The following MBLAC1 variants were observed in gnomAD, a reference collection of about 807,000 sequenced individuals.
The protein encoded by MBLAC1 is metallo-beta-lactamase domain containing 1.
MBLAC1 carries 1 observed loss-of-function variant against 1.5 expected under a neutral mutation model. The ratio of observed to expected loss-of-function variants is 0.68; its 90% CI spans 0.24 to 3.21. The LOEUF is 3.21. Among genes scored for constraint, MBLAC1 ranks in the 30% most tolerant of loss-of-function variants. The pLI, the probability that MBLAC1 is intolerant of heterozygous loss-of-function variation, is 0.20. For synonymous variants in MBLAC1, 197 were observed against 191.3 expected, an observed-to-expected ratio of 1.03 and a Z score of -0.25; for missense variants, 371 against 384.7, an observed-to-expected ratio of 0.96 and a Z score of 0.30.
Position 100,128,029 on chromosome 7 carries a change from G to A in MBLAC1, c.634G>A (p.Ala212Thr). ...GCAGGCACTGAGTGAAGACCCCGCA[G>A]CCCAGGAGCGGAGCCGGAAGAGGGT... is the stretch of plus-strand genomic sequence containing the variant. Reference protein sequence around the residue: ...SWQALSEDPAAQERSRKRVLV... With the variant: ...SWQALSEDPATQERSRKRVLV... Residue 212 changes from alanine (A) to threonine (T), a missense_variant, in exon 2 of 2, where the codon GCC (alanine) becomes ACC (threonine). Transcript: ENST00000398075. 6.2e-7 allele frequency: 1 copy of A among 1,613,660 alleles called. No individual in the cohort carries two copies. Among genetic ancestry groups the A allele is most frequent in the African/African-American group, 1.3e-5 (1 of 75,062 alleles).
In MBLAC1 at chr7:100,127,708, G is replaced by A; in HGVS notation, c.313G>A (p.Gly105Arg). 1 of 1,450,148 alleles carries A rather than the reference G, an allele frequency of 6.9e-7. No individual in the cohort carries two copies. Among genetic ancestry groups the A allele is most frequent in the East Asian group, 2.7e-5 (1 of 37,660 alleles). 89.8% of individuals were successfully genotyped at this position (1,450,148 alleles called of 1,614,324 possible). A position where few individuals can be genotyped will look rare whatever the true frequency, so the allele number is the denominator to read the frequency against. The change falls in exon 2 of 2, where the codon GGA (glycine) becomes AGA (arginine). Residue 105 changes from glycine (G) to arginine (R), a missense_variant. By Grantham distance (125) the Gly-to-Arg change is moderately radical. Coordinates refer to ENST00000398075, the MANE Select transcript of MBLAC1 (RefSeq NM_203397.3). The surrounding 1 kb of genome is among the most constrained non-coding windows in gnomAD (Gnocchi z 4.6). Reference protein sequence around the residue: ...GALAGQGVAPGDVTLVVGTHG... With the variant: ...GALAGQGVAPRDVTLVVGTHG... ...GCTGGCGGGGCAGGGCGTGGCCCCG[G>A]GAGACGTGACGCTAGTGGTGGGGAC...
rs1301366961 is a variant in MBLAC1, at chr7:100,128,333, C to T, written c.*137C>T. On this transcript the variant is annotated 3_prime_UTR_variant, in exon 2 of 2. Transcript: ENST00000398075. ...AGTTTTCTAGTGAAGACAGAGTGCA[C>T]CTGACACTGCCATCACATCGTCAGT... 2.8e-5 allele frequency: 20 copies of T among 705,954 alleles called. No homozygotes were observed. Among genetic ancestry groups the T allele is most frequent in the South Asian group, 7.8e-5 (4 of 51,304 alleles). 43.7% of individuals were successfully genotyped at this position (705,954 alleles called of 1,614,324 possible).
rs1798248699 is a variant in MBLAC1, at chr7:100,127,275, C to T, written c.-28-93C>T. On this transcript the variant is annotated intron_variant, in intron 1 of 1. Transcript: ENST00000398075. The surrounding 1 kb of genome is among the most constrained non-coding windows in gnomAD (Gnocchi z 4.6). ...TTAATGGGAGGCGGGTGGCAGAGAA[C>T]CGAGGCTTAGGGGCAGTGGCGGGGC... is the stretch of plus-strand genomic sequence containing the variant. 1 of 963,534 alleles carries T rather than the reference C, an allele frequency of 1.0e-6. No homozygotes were observed. Among genetic ancestry groups the T allele is most frequent in the Non-Finnish European group, 1.5e-6 (1 of 672,422 alleles). 59.7% of individuals were successfully genotyped at this position (963,534 alleles called of 1,614,324 possible). A position where few individuals can be genotyped will look rare whatever the true frequency, so the allele number is the denominator to read the frequency against.
chr7:100,127,664 G>A lies in MBLAC1; in HGVS notation c.269G>A (p.Arg90Gln). The change falls in exon 2 of 2, where the codon CGG becomes CAG. Residue 90 changes from arginine (R) to glutamine (Q), a missense_variant. Arg to Gln is a conservative substitution (Grantham distance 43). Transcript: ENST00000398075. This position sits in a 1 kb window ranked among gnomAD's most constrained non-coding sequence, Gnocchi z 4.6. ...ILVDTGGPWA[R>Q]EALLGALAGQ... ...GTGGACACCGGGGGCCCCTGGGCTCGGGAGGCGCTGCTGGGGGCGCTGGCG... is the reference window on the plus strand; with the variant it reads ...GTGGACACCGGGGGCCCCTGGGCTCAGGAGGCGCTGCTGGGGGCGCTGGCG... The A allele has an allele frequency of 7.1e-7, 1 of 1,413,340 alleles. No homozygotes were observed. The highest frequency in any genetic ancestry group is 9.2e-7 in the Non-Finnish European group (1 of 1,086,562). The allele number at this position is 1,413,340 out of a possible 1,614,324, so 87.5% of individuals were successfully genotyped here.
rs1798250873 is a variant in MBLAC1, at chr7:100,127,344, C to T, written c.-28-24C>T. 1.2e-5 allele frequency: 18 copies of T among 1,493,582 alleles called. No individual in the cohort carries two copies. Among genetic ancestry groups the T allele is most frequent in the Non-Finnish European group, 1.5e-5 (17 of 1,120,330 alleles). The allele number at this position is 1,493,582 out of a possible 1,614,324, so 92.5% of individuals were successfully genotyped here. A position where few individuals can be genotyped will look rare whatever the true frequency, so the allele number is the denominator to read the frequency against. ...CGCGGAGGGACAGGACGGTCGCCCA[C>T]TGCTCCATTTCCTTTCTCCCCAGCC... On this transcript the variant is annotated intron_variant, in intron 1 of 1. Transcript: ENST00000398075. This position sits in a 1 kb window ranked among gnomAD's most constrained non-coding sequence, Gnocchi z 4.6.
At position 100,127,918 on chromosome 7, in the gene MBLAC1, G is replaced by C. The variant is rs1798271046; in HGVS notation, c.523G>C (p.Val175Leu). 3 of 1,583,658 alleles carry C rather than the reference G, an allele frequency of 1.9e-6. No homozygotes were observed. Among genetic ancestry groups the C allele is most frequent in the African/African-American group, 1.3e-5 (1 of 74,252 alleles). ...ATPGHGGQRDVSVVVAGTALG... is the reference protein window; with the variant it reads ...ATPGHGGQRDLSVVVAGTALG... Reference sequence around the variant, plus strand: ...GCCGGGCCACGGGGGCCAGCGCGACGTGAGCGTGGTGGTGGCCGGCACGGC... The same window carrying C: ...GCCGGGCCACGGGGGCCAGCGCGACCTGAGCGTGGTGGTGGCCGGCACGGC... Residue 175 changes from valine (V) to leucine (L), a missense_variant, in exon 2 of 2, where the codon GTG (valine) becomes CTG (leucine). Transcript: ENST00000398075. This position sits in a 1 kb window ranked among gnomAD's most constrained non-coding sequence, Gnocchi z 4.6.
At position 100,127,369 on chromosome 7, in the gene MBLAC1, C is replaced by T. The variant is rs753783973; in HGVS notation, c.-27C>T. The T allele has an allele frequency of 2.5e-5, 39 of 1,560,484 alleles. No individual in the cohort carries two copies. Among genetic ancestry groups the T allele is most frequent in the Non-Finnish European group, 3.2e-5 (37 of 1,162,180 alleles). On this transcript the variant is annotated splice_region_variant and 5_prime_UTR_variant, in exon 2 of 2. Transcript: ENST00000398075. This position sits in a 1 kb window ranked among gnomAD's most constrained non-coding sequence, Gnocchi z 4.6. ...CTGCTCCATTTCCTTTCTCCCCAGC[C>T]CGTCCCTCCCTGCCAGGAGCAGCCT...
At position 100,127,992 on chromosome 7, in the gene MBLAC1, CGAG is replaced by C; in HGVS notation, c.600_602del (p.Glu200del). 1 of 1,613,142 alleles carries C rather than the reference CGAG, an allele frequency of 6.2e-7. No homozygotes were observed. The highest frequency in any genetic ancestry group is 8.5e-7 in the Non-Finnish European group (1 of 1,179,660). ...GAGATGTGTTTGAGCGAGATGGGGA[CGAG>C]GATTCGTGGCAGGCACTGAGTGAAG... On this transcript the variant is annotated inframe_deletion, in exon 2 of 2. Transcript: ENST00000398075. The surrounding 1 kb of genome is among the most constrained non-coding windows in gnomAD (Gnocchi z 4.6).
Position 100,127,940 on chromosome 7 carries a change from C to CCT in MBLAC1, c.545_546insCT (p.Ala183TrpfsTer25). 6.3e-7 allele frequency: 1 copy of CCT among 1,597,070 alleles called. No homozygotes were observed. The highest frequency in any genetic ancestry group is 8.5e-7 in the Non-Finnish European group (1 of 1,172,042). On this transcript the variant is annotated frameshift_variant, in exon 2 of 2. Coordinates refer to ENST00000398075, the MANE Select transcript of MBLAC1 (RefSeq NM_203397.3). LOFTEE classifies it low-confidence loss of function (END_TRUNC). This position sits in a 1 kb window ranked among gnomAD's most constrained non-coding sequence, Gnocchi z 4.6. ...GACGTGAGCGTGGTGGTGGCCGGCA[C>CCT]GGCTCTGGGCACCGTGGTGGTGGCG...
In MBLAC1 at chr7:100,127,893, G is replaced by T. The variant is rs1798269841; in HGVS notation, c.498G>T (p.Thr166=). Residue 166 remains threonine, a synonymous_variant, in exon 2 of 2, where the codon ACG becomes ACT. Transcript: ENST00000398075. This position sits in a 1 kb window ranked among gnomAD's most constrained non-coding sequence, Gnocchi z 4.6. ...GCCCGGGGCTCGAGGTGTGGGCCAC[G>T]CCGGGCCACGGGGGCCAGCGCGACG... ...RLGPGLEVWA[T]PGHGGQRDVS... is the part of the protein sequence containing the mutation. 1.3e-6 allele frequency: 2 copies of T among 1,566,168 alleles called. No homozygotes were observed.
rs1798264633 is a variant in MBLAC1 at position 100,127,764 on chromosome 7, G to A, written c.369G>A (p.Leu123=). The change falls in exon 2 of 2, where the codon TTG becomes TTA. Residue 123 remains leucine (L), a synonymous_variant. Coordinates refer to ENST00000398075, the MANE Select transcript of MBLAC1 (RefSeq NM_203397.3). The surrounding 1 kb of genome is among the most constrained non-coding windows in gnomAD (Gnocchi z 4.6). ...GGCACTCGGATCACATCGGGAACTT[G>A]GGGCTGTTCCCAGGCGCGGCTCTGC... ...THGHSDHIGN[L]GLFPGAALLV... The A allele has an allele frequency of 3.2e-6, 5 of 1,550,488 alleles. No individual in the cohort carries two copies. In the East Asian group the frequency reaches 1.2e-4, roughly 36 times the overall value.
In MBLAC1 at chr7:100,127,419, G is replaced by A; in HGVS notation, c.24G>A (p.Gly8=). The A allele has an allele frequency of 6.3e-7, 1 of 1,593,502 alleles. No homozygotes were observed. The highest frequency in any genetic ancestry group is 8.5e-7 in the Non-Finnish European group (1 of 1,177,676). Residue 8 remains glycine, a synonymous_variant, in exon 2 of 2, where the codon GGG becomes GGA. Coordinates refer to ENST00000398075, the MANE Select transcript of MBLAC1 (RefSeq NM_203397.3). This position sits in a 1 kb window ranked among gnomAD's most constrained non-coding sequence, Gnocchi z 4.6. ...TCATGCGGACCGAGCCGCTGTGCGG[G>A]GCATCCCCTCTGCTGGTGCCCGGCG... MRTEPLC[G]ASPLLVPGDP...
Position 100,127,116 on chromosome 7 carries a change from A to G in MBLAC1, c.-29+52A>G. 1 of 487,284 alleles carries G rather than the reference A, an allele frequency of 2.1e-6. No individual in the cohort carries two copies. The highest frequency in any genetic ancestry group is 3.7e-6 in the Non-Finnish European group (1 of 273,418). The allele number at this position is 487,284 out of a possible 1,614,324, so 30.2% of individuals were successfully genotyped here. ...GGGAAACATAAAGGATAGCCTTTGG[A>G]GGGTGACGGGCAAGGACGTACGTAC... On this transcript the variant is annotated intron_variant, in intron 1 of 1. Transcript: ENST00000398075. This position sits in a 1 kb window ranked among gnomAD's most constrained non-coding sequence, Gnocchi z 4.6.
Position 100,128,277 on chromosome 7 carries a change from G to A in MBLAC1, c.*81G>A. 2.9e-6 allele frequency: 4 copies of A among 1,366,300 alleles called. No homozygotes were observed. In the South Asian group the frequency reaches 5.8e-5, roughly 20 times the overall value. The allele number at this position is 1,366,300 out of a possible 1,614,324, so 84.6% of individuals were successfully genotyped here. On this transcript the variant is annotated 3_prime_UTR_variant, in exon 2 of 2. Coordinates refer to ENST00000398075, the MANE Select transcript of MBLAC1 (RefSeq NM_203397.3). ...CTGGAGACAGAGTCAGAGCAGTCAA[G>A]GGTGGGAGCTTCCAGCCCTTCCAGG...
Position 100,127,391 on chromosome 7 carries a change from G to A in MBLAC1, c.-5G>A, listed in dbSNP as rs1375678185. The A allele has an allele frequency of 3.2e-6, 5 of 1,584,768 alleles. No individual in the cohort carries two copies. The highest frequency in any genetic ancestry group is 2.6e-6 in the Non-Finnish European group (3 of 1,174,004). ...AGCCCGTCCCTCCCTGCCAGGAGCA[G>A]CCTCATGCGGACCGAGCCGCTGTGC... On this transcript the variant is annotated 5_prime_UTR_variant, in exon 2 of 2. Coordinates refer to ENST00000398075, the MANE Select transcript of MBLAC1 (RefSeq NM_203397.3). The surrounding 1 kb of genome is among the most constrained non-coding windows in gnomAD (Gnocchi z 4.6).
At position 100,127,871 on chromosome 7, in the gene MBLAC1, C is replaced by G; in HGVS notation, c.476C>G (p.Pro159Arg). The change falls in exon 2 of 2, where the codon CCG (proline) becomes CGG (arginine). Residue 159 changes from proline (P) to arginine (R), a missense_variant. Pro to Arg is a moderately radical substitution (Grantham distance 103). Transcript: ENST00000398075. The surrounding 1 kb of genome is among the most constrained non-coding windows in gnomAD (Gnocchi z 4.6). Reference sequence around the variant, plus strand: ...GAGGGGCAGCCCCTGCGCCTGGGCCCGGGGCTCGAGGTGTGGGCCACGCCG... The same window carrying G: ...GAGGGGCAGCCCCTGCGCCTGGGCCGGGGGCTCGAGGTGTGGGCCACGCCG... ...LGEGQPLRLGPGLEVWATPGH... is the reference protein window; with the variant it reads ...LGEGQPLRLGRGLEVWATPGH... 2 of 1,559,044 alleles carry G rather than the reference C, an allele frequency of 1.3e-6. No homozygotes were observed. The highest frequency in any genetic ancestry group is 1.7e-6 in the Non-Finnish European group (2 of 1,150,886).
chr7:100,128,070 C>T lies in MBLAC1; in HGVS notation c.675C>T (p.Asp225=). The change falls in exon 2 of 2, where the codon GAC becomes GAT. Residue 225 remains aspartate, a synonymous_variant. Coordinates refer to ENST00000398075, the MANE Select transcript of MBLAC1 (RefSeq NM_203397.3). ...RSRKRVLVVA[D]VVVPGHGPPF... is the part of the protein sequence containing the mutation. ...GGAAGAGGGTCCTGGTCGTTGCCGA[C>T]GTGGTCGTACCTGGTCACGGGCCCC... 2 of 1,612,288 alleles carry T rather than the reference C, an allele frequency of 1.2e-6. No individual in the cohort carries two copies. The highest frequency in any genetic ancestry group is 8.5e-7 in the Non-Finnish European group (1 of 1,179,426).
chr7:100,128,067 C>A lies in MBLAC1; in HGVS notation c.672C>A (p.Ala224=). 1.2e-6 allele frequency: 2 copies of A among 1,612,352 alleles called. No homozygotes were observed. The highest frequency in any genetic ancestry group is 1.7e-6 in the Non-Finnish European group (2 of 1,179,442). The change falls in exon 2 of 2, where the codon GCC becomes GCA. Residue 224 remains alanine, a synonymous_variant. Transcript: ENST00000398075. ...ERSRKRVLVV[A]DVVVPGHGPP... Reference sequence around the variant, plus strand: ...GCCGGAAGAGGGTCCTGGTCGTTGCCGACGTGGTCGTACCTGGTCACGGGC... The same window carrying A: ...GCCGGAAGAGGGTCCTGGTCGTTGCAGACGTGGTCGTACCTGGTCACGGGC...
rs1798258791 is a variant in MBLAC1 at position 100,127,605 on chromosome 7, C to T, written c.210C>T (p.Ala70=). The T allele has an allele frequency of 7.1e-7, 1 of 1,399,108 alleles. No homozygotes were observed. Among genetic ancestry groups the T allele is most frequent in the Admixed American group, 3.3e-5 (1 of 30,134 alleles). The allele number at this position is 1,399,108 out of a possible 1,614,324, so 86.7% of individuals were successfully genotyped here. The change falls in exon 2 of 2, where the codon GCC becomes GCT. Residue 70 remains alanine (A), a synonymous_variant. Transcript: ENST00000398075. The surrounding 1 kb of genome is among the most constrained non-coding windows in gnomAD (Gnocchi z 4.6). ...ESPRGSGGAE[A]ALEEAARGPI... ...CGCGCGGGAGTGGCGGCGCAGAGGC[C>T]GCCCTGGAGGAGGCGGCCCGTGGCC...
Sources: allele counts gnomAD v4.1 joint callset, GRCh38; gene constraint gnomAD v4.1.1; non-coding constraint Gnocchi (gnomAD v3.1); transcripts MANE v1.5; gene names NCBI Gene and HGNC (gene_info 2026-07-23, HGNC 2026-07-21).